GRID2: variants seen among roughly 807,000 people sequenced by gnomAD.
GRID2 encodes the protein glutamate ionotropic receptor delta type subunit 2.
In GRID2, 33 loss-of-function variants were observed where a neutral mutation model predicts 114.8. The observed-to-expected ratio is 0.29, with a 90% confidence interval of 0.22 to 0.38. GRID2 has a LOEUF of 0.38. GRID2 is among the 10% of genes least tolerant of loss of function. The probability of loss-of-function intolerance (pLI) is 1.00; values close to 1 mark genes in which losing one functional copy is unlikely to be tolerated. For synonymous variants in GRID2, 505 were observed against 449.9 expected, an observed-to-expected ratio of 1.12 and a Z score of -1.55; for missense variants, 1,184 against 1,257.7, an observed-to-expected ratio of 0.94 and a Z score of 0.89.
intron 2 of GRID2, among the ~76,000 whole-genome samples, chr4:92,671,710 T>C (rs774329058): frequency 6.6e-6 from 1 of 152,134 alleles, no homozygotes; most frequent in Non-Finnish European, 1.5e-5. Flanking sequence ...TACAATGTAC[T>C]GGATAGTGAG....
At chr4:93,768,411 A>G (rs561463859) in intron 14 of GRID2, among the ~76,000 whole-genome samples, 3 of 152,336 alleles carry the variant, frequency 2.0e-5, no homozygotes, top group South Asian at 4.1e-4. Flanking sequence ...TAATTCCTCT[A>G]TGAAAAACAC....
rs146630332 is a variant in GRID2 at position 93,556,370 on chromosome 4, G to C, written c.2193+40959G>C. ...AACTAAGAACGTTGAGTAAACGTTA[G>C]AGGAATTGCTAACCAGAATAACCAG... is the stretch of plus-strand genomic sequence containing the variant. On this transcript the variant is annotated intron_variant, in intron 13 of 15. Transcript: ENST00000282020. Among the ~76,000 whole-genome samples, 21 of 152,288 alleles carry C rather than the reference G, an allele frequency of 1.4e-4. No homozygotes were observed. In the East Asian group the frequency reaches 3.9e-3, roughly 28 times the overall value.
At chr4:92,971,682 C>A (rs1057331165) in intron 2 of GRID2, among the ~76,000 whole-genome samples, 1 of 151,950 alleles carries the variant, frequency 6.6e-6, no homozygotes, top group South Asian at 2.1e-4. Context: ...ATTCACCTCT[C>A]CCTACCCCCA....
chr4:92,374,318 C>G (rs1268600157), intron 1 of GRID2, among the ~76,000 whole-genome samples: 4 of 152,102 alleles, frequency 2.6e-5, no homozygotes, highest in African/African-American at 9.7e-5. Context: ...TTCTATTAAT[C>G]CCAGGTCTTT....
intron 2 of GRID2, among the ~76,000 whole-genome samples, chr4:92,913,777 G>C (rs976502480): frequency 6.6e-6 from 1 of 151,330 alleles, no homozygotes; most frequent in Non-Finnish European, 1.5e-5. Flanking sequence ...ACGAAGAAAC[G>C]TTTCACTAAG....
At chr4:93,809,765 G>T (rs1302064883) in exon 2 of GRID2, 2 of 152,132 alleles carry the variant, frequency 1.3e-5, no homozygotes. Context: ...AGTGAACTAA[G>T]AAATTCCAAG....
intron 2 of GRID2, among the ~76,000 whole-genome samples, chr4:92,756,566 A>C (rs2149342418): frequency 6.6e-6 from 1 of 152,236 alleles, no homozygotes; most frequent in East Asian, 1.9e-4. Context: ...CCCACCAACA[A>C]TGTATAACAA....
chr4:92,719,567 A>G (rs1735713721), intron 2 of GRID2, among the ~76,000 whole-genome samples: 1 of 152,184 alleles, frequency 6.6e-6, no homozygotes, highest in African/African-American at 2.4e-5. Flanking sequence ...CAGAAAGTTG[A>G]CAAATGCTAC....
intron 10 of GRID2, among the ~76,000 whole-genome samples, chr4:93,428,077 G>A (rs1008395820): frequency 6.6e-6 from 1 of 151,992 alleles, no homozygotes; most frequent in Non-Finnish European, 1.5e-5. Flanking sequence ...AGATACAGTT[G>A]GATGTTTGAT....
intron 1 of GRID2, among the ~76,000 whole-genome samples, chr4:92,428,275 A>G (rs1193159895): frequency 1.3e-5 from 2 of 152,070 alleles, no homozygotes; most frequent in East Asian, 3.9e-4. Flanking sequence ...TAATAATAAT[A>G]ATAATAATAA....
chr4:93,724,714 G>A (rs1729685372), intron 14 of GRID2, among the ~76,000 whole-genome samples: 1 of 152,092 alleles, frequency 6.6e-6, no homozygotes, highest in African/African-American at 2.4e-5. Context: ...ACAGTTGATG[G>A]TGTCCCCTAC....
At position 93,360,554 on chromosome 4, in the gene GRID2, A is replaced by C. The variant is rs749910996; in HGVS notation, c.1246-35053A>C. Among the ~76,000 whole-genome samples the C allele has an allele frequency of 1.1e-4, 17 of 152,058 alleles. No individual in the cohort carries two copies. The South Asian group carries it at 1.5e-3, about 13-fold the overall frequency. The stretch of plus-strand genomic sequence containing the variant: ...ATTTAAATATTTTATCAGTAGTTTT[A>C]AAAATATATATCTGTTATTAATTTC... On this transcript the variant is annotated intron_variant, in intron 8 of 15. Transcript: ENST00000282020.
intron 13 of GRID2, among the ~76,000 whole-genome samples, chr4:93,520,879 A>G (rs566368933): frequency 5.3e-4 from 80 of 152,264 alleles, no homozygotes; most frequent in Non-Finnish European, 1.0e-3. Flanking sequence ...GTGACGCAAC[A>G]TAACTTTTTA....
intron 14 of GRID2, among the ~76,000 whole-genome samples, chr4:93,750,270 A>G (rs576798318): frequency 6.6e-6 from 1 of 152,346 alleles, no homozygotes; most frequent in South Asian, 2.1e-4. Context: ...AGATGGATCA[A>G]TTAGTGGTTT....
chr4:92,795,843 GA>G (rs1474968389), intron 2 of GRID2, among the ~76,000 whole-genome samples: 2 of 151,916 alleles, frequency 1.3e-5, no homozygotes, highest in African/African-American at 4.8e-5. Flanking sequence ...TAATTTATCT[GA>G]TGTGGTGTCT....
At chr4:93,566,467 A>G (rs1735428735) in intron 13 of GRID2, among the ~76,000 whole-genome samples, 1 of 152,168 alleles carries the variant, frequency 6.6e-6, no homozygotes, top group Non-Finnish European at 1.5e-5. Context: ...TACACTTTTC[A>G]AAACTCATCA....
At chr4:92,927,455 C>T (rs143646125) in intron 2 of GRID2, among the ~76,000 whole-genome samples, 1 of 151,770 alleles carries the variant, frequency 6.6e-6, no homozygotes, top group Non-Finnish European at 1.5e-5. Context: ...CCAATTCCCA[C>T]AGGGTAGCAC....
At chr4:93,288,500 A>C (rs1437142521) in intron 8 of GRID2, among the ~76,000 whole-genome samples, 1 of 152,084 alleles carries the variant, frequency 6.6e-6, no homozygotes, top group Non-Finnish European at 1.5e-5. Context: ...CACTGCCCTT[A>C]GATGGCCACT....
intron 2 of GRID2, among the ~76,000 whole-genome samples, chr4:92,983,641 T>C (rs981896141): frequency 6.6e-6 from 1 of 152,148 alleles, no homozygotes; most frequent in Non-Finnish European, 1.5e-5. Flanking sequence ...TTCATTATTA[T>C]AATTTCTTAT....
Sources: allele counts gnomAD v4.1 joint callset (sites outside exome capture counted in the v4.1 genomes callset), GRCh38; gene constraint gnomAD v4.1.1; transcripts MANE v1.5; gene names NCBI Gene and HGNC (gene_info 2026-07-23, HGNC 2026-07-21).